MGAT4D: variants seen among roughly 807,000 people sequenced by gnomAD.
The protein encoded by MGAT4D is alpha-1,3-mannosyl-glycoprotein 4-beta-N-acetylglucosaminyltransferase-like protein MGAT4D.
A neutral mutation model predicts 15.9 loss-of-function variants in MGAT4D; 34 were observed. The ratio of observed to expected loss-of-function variants is 2.14; its 90% CI spans 1.62 to 2.84. The LOEUF is 2.84. MGAT4D is among the 30% of genes most tolerant of loss of function. MGAT4D has a pLI of 0.00. For synonymous variants in MGAT4D, 112 were observed against 48.2 expected, an observed-to-expected ratio of 2.33 and a Z score of -5.49; for missense variants, 327 against 140.2, an observed-to-expected ratio of 2.33 and a Z score of -6.73.
At chr4:140,456,479 A>G in intron 9 of MGAT4D, 110 bp downstream of exon 9, 1 of 423,246 alleles carries the variant, frequency 2.4e-6, no homozygotes, top group Non-Finnish European at 4.2e-6. Flanking sequence ...TAGAAATTTT[A>G]AAAATTGGTG....
intron 3 of MGAT4D, among the ~76,000 whole-genome samples, chr4:140,477,107 G>T (rs1732387772): frequency 6.6e-6 from 1 of 152,042 alleles, no homozygotes; most frequent in South Asian, 2.1e-4. Context: ...ATCCTTTCTA[G>T]GCCTTCTTGC....
chr4:140,449,402 A>C (rs1314035072), intron 10 of MGAT4D, among the ~76,000 whole-genome samples: 1 of 152,162 alleles, frequency 6.6e-6, no homozygotes, highest in African/African-American at 2.4e-5. Flanking sequence ...AGCTAGATGA[A>C]TAGAGATAAA....
chr4:140,447,755 G>A (rs1210467816), intron 10 of MGAT4D, among the ~76,000 whole-genome samples: 5 of 152,022 alleles, frequency 3.3e-5, no homozygotes, highest in Non-Finnish European at 5.9e-5. Flanking sequence ...TGTGTTGTTA[G>A]CTGGTTATTA....
In MGAT4D at chr4:140,471,550, A is replaced by G. The variant is rs1343473564; in HGVS notation, c.572+225T>C. Among the ~76,000 whole-genome samples, 3 of 152,330 alleles carry G rather than the reference A, an allele frequency of 2.0e-5. No homozygotes were observed. The East Asian group carries it at 5.8e-4, about 29-fold the overall frequency. ...ATGGTTATCATGCAGGATAAACAGTATAACATGAAAAATATAAATTCTAAT... is the reference window on the plus strand; with the variant it reads ...ATGGTTATCATGCAGGATAAACAGTGTAACATGAAAAATATAAATTCTAAT... On this transcript the variant is annotated intron_variant, in intron 5 of 10. Transcript: ENST00000511113.
rs1729892808 is a variant in MGAT4D, at chr4:140,443,417, A to T, written c.*19T>A. 1 of 535,884 alleles carries T rather than the reference A, an allele frequency of 1.9e-6. No homozygotes were observed. Among genetic ancestry groups the T allele is most frequent in the African/African-American group, 2.0e-5 (1 of 50,386 alleles). 33.2% of individuals were successfully genotyped at this position (535,884 alleles called of 1,614,324 possible). A position where few individuals can be genotyped will look rare whatever the true frequency, so the allele number is the denominator to read the frequency against. ...TTATCTGAGGTTCCAGGTATTACAGAGTTTCTTCTTATTTATCTTCATATT... is the reference window on the plus strand; with the variant it reads ...TTATCTGAGGTTCCAGGTATTACAGTGTTTCTTCTTATTTATCTTCATATT... On this transcript the variant is annotated 3_prime_UTR_variant, in exon 11 of 11. Coordinates refer to ENST00000511113, the MANE Select transcript of MGAT4D (RefSeq NM_001277353.2).
At chr4:140,490,713 T>C (rs187236385) in intron 1 of MGAT4D, among the ~76,000 whole-genome samples, 86 of 152,360 alleles carry the variant, frequency 5.6e-4, no homozygotes, top group East Asian at 4.1e-3. Flanking sequence ...TCTGTATACA[T>C]TGGGCCATGA....
At chr4:140,464,054 G>A (rs1366403810) in intron 6 of MGAT4D, among the ~76,000 whole-genome samples, 1 of 152,096 alleles carries the variant, frequency 6.6e-6, no homozygotes, top group South Asian at 2.1e-4. Flanking sequence ...AAGGCTGAAG[G>A]AAAAACAAAG....
At chr4:140,454,012 ATGTG>A (rs34758499) in intron 9 of MGAT4D, among the ~76,000 whole-genome samples, 50 of 148,170 alleles carry the variant, frequency 3.4e-4, no homozygotes, top group African/African-American at 7.4e-4. Context: ...TCTAGGATGT[ATGTG>A]TGTGTGTGTG....
rs1196126343 is a variant in MGAT4D at position 140,442,564 on chromosome 4, A to C, written c.*872T>G. 6.6e-6 allele frequency: 1 copy of C among 152,148 alleles called. No individual in the cohort carries two copies. The highest frequency in any genetic ancestry group is 1.5e-5 in the Non-Finnish European group (1 of 68,004). The allele number at this position is 152,148 out of a possible 1,614,324, so 9.4% of individuals were successfully genotyped here. Reference sequence around the variant, plus strand: ...ACCAAATTAGAAAGCCTGATATAAGAGAATTTTGCACCCAATAGATAGGAA... The same window carrying C: ...ACCAAATTAGAAAGCCTGATATAAGCGAATTTTGCACCCAATAGATAGGAA... On this transcript the variant is annotated 3_prime_UTR_variant, in exon 11 of 11. Transcript: ENST00000511113.
chr4:140,454,486 AT>A (rs2126692658), intron 9 of MGAT4D, among the ~76,000 whole-genome samples: 2 of 152,144 alleles, frequency 1.3e-5, no homozygotes, highest in Non-Finnish European at 2.9e-5. Context: ...CTTTTTACAT[AT>A]TGCTGGATTC....
rs1000648723 is a variant in MGAT4D, at chr4:140,470,073, A to C, written c.572+1702T>G. Among the ~76,000 whole-genome samples the C allele has an allele frequency of 2.0e-5, 3 of 152,334 alleles. No homozygotes were observed. The East Asian group carries it at 5.8e-4, about 29-fold the overall frequency. On this transcript the variant is annotated intron_variant, in intron 5 of 10. Coordinates refer to ENST00000511113, the MANE Select transcript of MGAT4D (RefSeq NM_001277353.2). ...GTGGCGGAGGTTCCAGCTGCTGAGG[A>C]GGCCTATCTCCAGGGCCTCTGATCC...
At chr4:140,473,282 T>C (rs1247441219) in intron 4 of MGAT4D, among the ~76,000 whole-genome samples, 4 of 152,192 alleles carry the variant, frequency 2.6e-5, no homozygotes, top group African/African-American at 9.6e-5. Flanking sequence ...CAGATATTCA[T>C]TCTTCTTTCA....
chr4:140,474,199 G>A (rs145785424), intron 4 of MGAT4D, among the ~76,000 whole-genome samples: 64 of 152,266 alleles, frequency 4.2e-4, no homozygotes, highest in African/African-American at 1.5e-3. Context: ...AATCTTTGGG[G>A]TCATTAGAGA....
chr4:140,482,400 G>T lies in MGAT4D; in HGVS notation c.180C>A (p.Thr60=). Residue 60 remains threonine (T), a synonymous_variant, in exon 2 of 11, where the codon ACC becomes ACA. Coordinates refer to ENST00000511113, the MANE Select transcript of MGAT4D (RefSeq NM_001277353.2). The part of the protein sequence containing the change: ...LHLRNKTEKN[T]QEMMKVLNRM... ...GATTCAAAACTTTCATCATCTCTTG[G>T]GTATTTTTTTCAGTTTTGTTTCTTA... 1 of 637,264 alleles carries T rather than the reference G, an allele frequency of 1.6e-6. No homozygotes were observed. The highest frequency in any genetic ancestry group is 2.8e-6 in the Non-Finnish European group (1 of 358,448). The allele number at this position is 637,264 out of a possible 1,614,324, so 39.5% of individuals were successfully genotyped here. A position where few individuals can be genotyped will look rare whatever the true frequency, so the allele number is the denominator to read the frequency against.
At chr4:140,465,242 A>G (rs1190353050) in intron 5 of MGAT4D, among the ~76,000 whole-genome samples, 1 of 152,230 alleles carries the variant, frequency 6.6e-6, no homozygotes. Context: ...TAAAAATTAC[A>G]GGTACTTTGA....
chr4:140,485,560 A>T (rs1025237437), intron 1 of MGAT4D, among the ~76,000 whole-genome samples: 13 of 151,842 alleles, frequency 8.6e-5, no homozygotes, highest in Non-Finnish European at 1.8e-4. Context: ...AATAATAATT[A>T]AAAAATAAAA....
At chr4:140,476,348 G>C (rs1263275621) in intron 3 of MGAT4D, among the ~76,000 whole-genome samples, 1 of 152,076 alleles carries the variant, frequency 6.6e-6, no homozygotes, top group African/African-American at 2.4e-5. Flanking sequence ...AGTGCAATTT[G>C]TCATCCATTT....
intron 3 of MGAT4D, among the ~76,000 whole-genome samples, chr4:140,475,679 A>AAAAAT (rs1732266776): frequency 6.7e-6 from 1 of 149,748 alleles, no homozygotes; most frequent in Non-Finnish European, 1.5e-5. Context: ...AAAAAAAAAA[A>AAAAAT]GGTCAAAACA....
At chr4:140,465,907 A>G (rs1731502647) in intron 5 of MGAT4D, among the ~76,000 whole-genome samples, 1 of 152,186 alleles carries the variant, frequency 6.6e-6, no homozygotes, top group Non-Finnish European at 1.5e-5. Flanking sequence ...ACAATTGTGT[A>G]AAGTACAAAC....
Sources: allele counts gnomAD v4.1 joint callset (sites outside exome capture counted in the v4.1 genomes callset), GRCh38; gene constraint gnomAD v4.1.1; transcripts MANE v1.5; gene names NCBI Gene and HGNC (gene_info 2026-07-23, HGNC 2026-07-21).